LRRC37A2: variants seen among roughly 807,000 people sequenced by gnomAD.
LRRC37A2 encodes leucine-rich repeat-containing protein 37A2.
A neutral mutation model predicts 68.8 loss-of-function variants in LRRC37A2; 9 were observed. That is an observed-to-expected ratio of 0.13 (90% CI 0.08 to 0.23). LRRC37A2 has a LOEUF of 0.23. Among genes scored for constraint, LRRC37A2 ranks in the 10% least tolerant of loss-of-function variants. The probability of loss-of-function intolerance (pLI) is 1.00; values close to 1 mark genes in which losing one functional copy is unlikely to be tolerated. For missense variants in LRRC37A2, 168 were observed against 950.4 expected, an observed-to-expected ratio of 0.18 and a Z score of 10.82; for synonymous variants, 63 against 367.6, an observed-to-expected ratio of 0.17 and a Z score of 9.48.
chr17:46,940,255 G>A, the LRRC37A2 span: 9 of 1,424,532 alleles, frequency 6.3e-6, no homozygotes, highest in Non-Finnish European at 8.2e-6. Context: ...CACACTTTCG[G>A]TTGGAGGAGA....
At chr17:46,922,510 A>C in the LRRC37A2 span, among the ~76,000 whole-genome samples, 2 of 152,162 alleles carry the variant, frequency 1.3e-5, no homozygotes, top group Admixed American at 1.3e-4. Context: ...TAAAGAAAAA[A>C]AATCTATAAC....
the LRRC37A2 span, among the ~76,000 whole-genome samples, chr17:46,976,623 G>A: frequency 1.3e-5 from 2 of 152,124 alleles, no homozygotes; most frequent in African/African-American, 2.4e-5. Context: ...ACATTTAGTA[G>A]CAGACCTATT....
the LRRC37A2 span, among the ~76,000 whole-genome samples, chr17:46,908,466 G>C: frequency 7.9e-5 from 12 of 152,220 alleles, no homozygotes; most frequent in Middle Eastern, 3.4e-3. Flanking sequence ...TCCGAGAACC[G>C]GCATCGGTCT....
At chr17:47,024,426 G>A in the LRRC37A2 span, among the ~76,000 whole-genome samples, 7 of 152,222 alleles carry the variant, frequency 4.6e-5, no homozygotes, top group Admixed American at 4.6e-4. Flanking sequence ...TAGACAGGAG[G>A]CATGAAATAA....
At chr17:46,976,281 C>T in the LRRC37A2 span, among the ~76,000 whole-genome samples, 1 of 150,780 alleles carries the variant, frequency 6.6e-6, no homozygotes, top group Non-Finnish European at 1.5e-5. Context: ...ACATGTAATC[C>T]CAGCACTTTG....
the LRRC37A2 span, among the ~76,000 whole-genome samples, chr17:46,392,423 TTCTTTCTC>T: frequency 0.15 from 7,397 of 49,166 alleles, 232 homozygotes; most frequent in Middle Eastern, 0.25. Context: ...CTCTCTCTCT[TTCTTTCTC>T]TCTTTCTTTC....
chr17:47,021,714 T>C, the LRRC37A2 span: 2 of 753,808 alleles, frequency 2.7e-6, no homozygotes, highest in Non-Finnish European at 4.4e-6. Flanking sequence ...ACTGGGAAGC[T>C]GATAGCTCTG....
the LRRC37A2 span, among the ~76,000 whole-genome samples, chr17:46,847,989 TG>T: frequency 6.6e-6 from 1 of 151,772 alleles, no homozygotes; most frequent in East Asian, 2.0e-4. Flanking sequence ...TGTGTGTGTG[TG>T]TGTGTGCACG....
At chr17:46,936,075 A>G in the LRRC37A2 span, 33 of 985,826 alleles carry the variant, frequency 3.3e-5, no homozygotes, top group Non-Finnish European at 4.0e-5. Context: ...AGGGTCAGGC[A>G]AGCTGCAAGT....
At chr17:46,989,436 C>T in the LRRC37A2 span, among the ~76,000 whole-genome samples, 1 of 152,238 alleles carries the variant, frequency 6.6e-6, no homozygotes, top group Admixed American at 6.5e-5. Context: ...CCCATCCCAA[C>T]CAGTTAAGGT....
At chr17:46,752,567 C>T in the LRRC37A2 span, among the ~76,000 whole-genome samples, 9 of 152,252 alleles carry the variant, frequency 5.9e-5, no homozygotes, top group African/African-American at 1.2e-4. Flanking sequence ...GCGTTCCTCC[C>T]GTCTCAGCCT....
At chr17:46,978,849 C>T in the LRRC37A2 span, 782 of 1,594,836 alleles carry the variant, frequency 4.9e-4, 5 homozygotes, top group African/African-American at 9.7e-3. Context: ...GCGCCAGCCC[C>T]GCGGGGACCC....
At chr17:46,788,984 C>T in the LRRC37A2 span, among the ~76,000 whole-genome samples, 1 of 152,372 alleles carries the variant, frequency 6.6e-6, no homozygotes, top group East Asian at 1.9e-4. Flanking sequence ...CAAAGCTGTG[C>T]TGCTTGGCTG....
the LRRC37A2 span, chr17:46,409,248 A>G: frequency 1.4e-5 from 6 of 430,160 alleles, no homozygotes; most frequent in South Asian, 9.2e-5. Flanking sequence ...TTGAAGAAAA[A>G]TATCTAAGTA....
At chr17:46,940,485 A>C in the LRRC37A2 span, 2 of 1,613,060 alleles carry the variant, frequency 1.2e-6, no homozygotes, top group Non-Finnish European at 1.7e-6. Context: ...CCAGGGACCT[A>C]GCGCAGGACT....
the LRRC37A2 span, among the ~76,000 whole-genome samples, chr17:46,956,415 C>T: frequency 6.6e-6 from 1 of 151,478 alleles, no homozygotes; most frequent in Non-Finnish European, 1.5e-5. Flanking sequence ...CTCAGCCTCC[C>T]GAGTAGCTGG....
the LRRC37A2 span, among the ~76,000 whole-genome samples, chr17:46,612,242 C>G: frequency 1.3e-5 from 1 of 79,768 alleles, no homozygotes; most frequent in Non-Finnish European, 2.3e-5. Context: ...AAGACAGTAA[C>G]AAGTTTTGAT....
chr17:46,760,843 C>T, the LRRC37A2 span, among the ~76,000 whole-genome samples: 1 of 152,108 alleles, frequency 6.6e-6, no homozygotes, highest in South Asian at 2.1e-4. Context: ...GCAGTCTAAA[C>T]TGTTTCATGC....
the LRRC37A2 span, among the ~76,000 whole-genome samples, chr17:46,842,410 T>C: frequency 6.6e-6 from 1 of 152,222 alleles, no homozygotes; most frequent in Non-Finnish European, 1.5e-5. Context: ...GGTCTCCCTC[T>C]GTCGCCCAGG....
Sources: gnomAD v4.1 joint callset for allele counts (sites outside exome capture counted in the v4.1 genomes callset) on GRCh38, gnomAD v4.1.1 for gene constraint, MANE v1.5 for transcripts, NCBI Gene and HGNC (gene_info 2026-07-23, HGNC 2026-07-21) for gene names.